Variants in CPNE4 observed in about 807,000 individuals in gnomAD.
CPNE4 encodes copine-4.
Under a neutral mutation model 67.9 loss-of-function variants are expected in CPNE4, and 25 were observed. The ratio of observed to expected loss-of-function variants is 0.37; its 90% confidence interval spans 0.27 to 0.51. The LOEUF is 0.51. Among genes scored for constraint, CPNE4 ranks in the 20% least tolerant of loss-of-function variants. The probability of loss-of-function intolerance (pLI) is 0.93; values close to 1 mark genes in which losing one functional copy is unlikely to be tolerated. For missense variants in CPNE4, 464 were observed against 690.8 expected (o/e 0.67, Z 3.68); for synonymous variants, 242 against 244.9 (o/e 0.99, Z 0.11).
At chr3:131,843,069 G>T (rs1583307910) in intron 2 of CPNE4, among the ~76,000 whole-genome samples, 1 of 152,142 alleles carries the variant, frequency 6.6e-6, no homozygotes, top group South Asian at 2.1e-4. Context: ...ATCTCAATTT[G>T]CCCATAGTAA....
intron 1 of CPNE4, among the ~76,000 whole-genome samples, chr3:131,906,578 G>T (rs1435198890): frequency 6.6e-6 from 1 of 151,828 alleles, no homozygotes; most frequent in Non-Finnish European, 1.5e-5. Context: ...CAAAGGACAT[G>T]AACTCATCAT....
chr3:131,883,107 A>C (rs2369225), intron 2 of CPNE4, among the ~76,000 whole-genome samples: 1 of 151,962 alleles, frequency 6.6e-6, no homozygotes, highest in Non-Finnish European at 1.5e-5. Context: ...CTTCTACAAG[A>C]ACTTATAGCC....
intron 1 of CPNE4, among the ~76,000 whole-genome samples, chr3:132,007,889 GC>G (rs1411647550): frequency 1.3e-5 from 2 of 152,088 alleles, no homozygotes; most frequent in Non-Finnish European, 2.9e-5. Context: ...TCTTCCCTAA[GC>G]AATCAGCACA....
chr3:131,825,055 G>A (rs1010643835), intron 2 of CPNE4, among the ~76,000 whole-genome samples: 11 of 152,108 alleles, frequency 7.2e-5, no homozygotes, highest in Non-Finnish European at 1.3e-4. Flanking sequence ...TTCAGAGCCC[G>A]ACAAGGGATC....
At chr3:131,638,525 A>G (rs2079452869) in intron 7 of CPNE4, among the ~76,000 whole-genome samples, 1 of 152,186 alleles carries the variant, frequency 6.6e-6, no homozygotes, top group African/African-American at 2.4e-5. Flanking sequence ...TTACAAAACA[A>G]TTACTCATAC....
intron 1 of CPNE4, among the ~76,000 whole-genome samples, chr3:131,969,328 C>T (rs1310106713): frequency 6.6e-6 from 1 of 151,792 alleles, no homozygotes; most frequent in South Asian, 2.1e-4. Flanking sequence ...ACCTATGTAA[C>T]AAACCTGCAT....
rs767429641 is a variant in CPNE4 at position 131,696,561 on chromosome 3, G to T, written c.488C>A (p.Ala163Glu). 4 of 1,613,904 alleles carry T rather than the reference G, an allele frequency of 2.5e-6. No homozygotes were observed. The highest frequency in any genetic ancestry group is 3.4e-6 in the Non-Finnish European group (4 of 1,179,854). Residue 163 changes from alanine (A) to glutamate (E), a missense_variant, in exon 5 of 16, where the codon GCA becomes GAA. Around this residue, in one of 6 missense-constraint regions of CPNE4, gnomAD observed 170 missense variants for 203.3 expected, o/e 0.84. Coordinates refer to ENST00000429747, the MANE Select transcript of CPNE4 (RefSeq NM_130808.3). ...CTTTACCTTGTCATCCAATTTCCGT[G>T]CATTGAATGCAAGCTCAACATAGTC... ...NDDYVELAFN[A>E]RKLDDKDFFS...
At chr3:131,986,844 A>C (rs1246406191) in intron 1 of CPNE4, among the ~76,000 whole-genome samples, 12 of 105,366 alleles carry the variant, frequency 1.1e-4, no homozygotes, top group African/African-American at 3.7e-5. Context: ...AAAAAAAAAC[A>C]AAAAAAAACA....
intron 2 of CPNE4, among the ~76,000 whole-genome samples, chr3:131,775,692 C>T (rs182588042): frequency 6.6e-6 from 1 of 152,154 alleles, no homozygotes; most frequent in African/African-American, 2.4e-5. Flanking sequence ...TGAGGCCTTG[C>T]TAGCCACATA....
At chr3:131,922,883 T>C (rs1239996882) in intron 1 of CPNE4, among the ~76,000 whole-genome samples, 1 of 152,202 alleles carries the variant, frequency 6.6e-6, no homozygotes, top group Non-Finnish European at 1.5e-5. Context: ...AATATATTAA[T>C]AGCAAATGCC....
chr3:131,797,797 G>T (rs997977404), intron 2 of CPNE4, among the ~76,000 whole-genome samples: 2 of 152,176 alleles, frequency 1.3e-5, no homozygotes, highest in African/African-American at 4.8e-5. Flanking sequence ...TGAATGAGCT[G>T]TGTAGAGGCC....
intron 7 of CPNE4, among the ~76,000 whole-genome samples, chr3:131,608,174 T>C (rs907856241): frequency 1.1e-4 from 16 of 152,156 alleles, no homozygotes; most frequent in Middle Eastern, 3.2e-3. Flanking sequence ...GTGCCTACTA[T>C]GTATAAAATA....
intron 1 of CPNE4, among the ~76,000 whole-genome samples, chr3:132,000,959 A>G (rs937201318): frequency 4.6e-5 from 7 of 151,994 alleles, no homozygotes; most frequent in Admixed American, 1.3e-4. Context: ...TACAGATGAG[A>G]AAACTAAGGC....
chr3:131,973,883 C>T (rs1369538648), intron 1 of CPNE4, among the ~76,000 whole-genome samples: 4 of 152,164 alleles, frequency 2.6e-5, no homozygotes, highest in South Asian at 2.1e-4. Flanking sequence ...CCAAGCGTAA[C>T]GTTATTTTTT....
rs376209942 is a variant in CPNE4, at chr3:131,609,295, A to G, written c.682-21713T>C. ...TGTTGAATGAACGACATGGTTGGTT[A>G]GCTATCCACCAAATATTTGTGCTTT... On this transcript the variant is annotated intron_variant, in intron 7 of 15. Coordinates refer to ENST00000429747, the MANE Select transcript of CPNE4 (RefSeq NM_130808.3). Among the ~76,000 whole-genome samples the G allele has an allele frequency of 2.7e-4, 41 of 152,310 alleles. No homozygotes were observed. In the South Asian group the frequency reaches 8.5e-3, roughly 32 times the overall value.
intron 2 of CPNE4, among the ~76,000 whole-genome samples, chr3:131,759,123 C>T (rs1270054587): frequency 6.6e-6 from 1 of 152,084 alleles, no homozygotes; most frequent in Non-Finnish European, 1.5e-5. Flanking sequence ...AGAATCCAAG[C>T]AAGAAGGATG....
intron 13 of CPNE4, among the ~76,000 whole-genome samples, chr3:131,552,149 T>TAA (rs1936216085): frequency 1.3e-5 from 2 of 150,728 alleles, no homozygotes; most frequent in South Asian, 4.2e-4. Context: ...TGAAGTTTCA[T>TAA]TTATTATTAT....
At chr3:132,031,251 T>C (rs1325729929) in intron 1 of CPNE4, among the ~76,000 whole-genome samples, 4 of 152,342 alleles carry the variant, frequency 2.6e-5, no homozygotes, top group Admixed American at 1.3e-4. Context: ...TTTTGATATT[T>C]TGTAAATCTA....
In CPNE4 at chr3:131,792,925, G is replaced by GTGTGTGTATATA. The variant is rs58502463; in HGVS notation, c.181-69301_181-69300insTATATACACACA. 1.9e-3 allele frequency among the ~76,000 whole-genome samples: 259 copies of GTGTGTGTATATA among 135,230 alleles called. 1 individual carries two copies. The highest frequency in any genetic ancestry group is 6.1e-3 in the South Asian group (25 of 4,124). 88.7% of individuals were successfully genotyped at this position (135,230 alleles called of 152,430 possible). A position where few individuals can be genotyped will look rare whatever the true frequency, so the allele number is the denominator to read the frequency against. On this transcript the variant is annotated intron_variant, in intron 2 of 15. Coordinates refer to ENST00000429747, the MANE Select transcript of CPNE4 (RefSeq NM_130808.3). The stretch of plus-strand genomic sequence containing the variant: ...TGTGTGTGTGTGTGTGTGTGTGTGT[G>GTGTGTGTATATA]TATCTCCAACAAAACATGCCAAAAC...
Sources: allele counts gnomAD v4.1 joint callset (sites outside exome capture counted in the v4.1 genomes callset), GRCh38; gene constraint gnomAD v4.1.1; regional missense constraint gnomAD v4.1.1; transcripts MANE v1.5; gene names NCBI Gene and HGNC (gene_info 2026-07-23, HGNC 2026-07-21).